Variants in SF3A3 observed in about 807,000 individuals in gnomAD.
SF3A3 encodes splicing factor 3a subunit 3.
In SF3A3, 9 loss-of-function variants were observed where a neutral mutation model predicts 85.8. That is an observed-to-expected ratio of 0.10 (90% confidence interval 0.06 to 0.18). The LOEUF is 0.18. Ranked by LOEUF, SF3A3 falls within the 10% of genes least tolerant of loss-of-function variation. SF3A3 has a pLI of 1.00. For synonymous variants in SF3A3, 195 were observed against 204.4 expected, an observed-to-expected ratio of 0.95 and a Z score of 0.39; for missense variants, 306 against 593.3, an observed-to-expected ratio of 0.52 and a Z score of 5.03.
intron 4 of SF3A3, among the ~76,000 whole-genome samples, chr1:37,985,426 T>C (rs1646449529): frequency 6.6e-6 from 1 of 151,404 alleles, no homozygotes; most frequent in Non-Finnish European, 1.5e-5. Flanking sequence ...TTTTTTTAAA[T>C]CCTGATGCAC....
At chr1:37,974,546 C>T (rs985820497) in intron 12 of SF3A3, among the ~76,000 whole-genome samples, 1 of 152,142 alleles carries the variant, frequency 6.6e-6, no homozygotes, top group Admixed American at 6.5e-5. Flanking sequence ...TTGTGATCTG[C>T]CCGCCTTGGC....
intron 6 of SF3A3, 65 bp downstream of exon 6, chr1:37,984,104 G>C: frequency 1.2e-6 from 1 of 818,284 alleles, no homozygotes; most frequent in East Asian, 2.6e-5. Flanking sequence ...ATGTCTGCTA[G>C]TTCCAGCCTA....
chr1:37,970,693 A>T (rs1646332927), intron 12 of SF3A3, among the ~76,000 whole-genome samples: 1 of 152,212 alleles, frequency 6.6e-6, no homozygotes, highest in Non-Finnish European at 1.5e-5. Flanking sequence ...AGAACTCAGG[A>T]TTAAGAAACT....
chr1:37,964,931 G>A (rs1646288854), intron 15 of SF3A3, among the ~76,000 whole-genome samples: 1 of 152,082 alleles, frequency 6.6e-6, no homozygotes, highest in South Asian at 2.1e-4. Context: ...GGCCAATGCG[G>A]GTGCATCACT....
At chr1:37,974,996 A>G (rs534944429) in intron 12 of SF3A3, among the ~76,000 whole-genome samples, 2 of 152,270 alleles carry the variant, frequency 1.3e-5, no homozygotes, top group South Asian at 2.1e-4. Context: ...TATTGTAATT[A>G]TTTGTCTCCC....
intron 5 of SF3A3, 21 bp downstream of exon 5, chr1:37,984,686 G>T: frequency 6.4e-7 from 1 of 1,550,742 alleles, no homozygotes; most frequent in Non-Finnish European, 8.9e-7. Context: ...GGTGCTGAAT[G>T]AAATTTTCAC....
At position 37,989,934 on chromosome 1, in the gene SF3A3, T is replaced by C. The variant is rs760051212; in HGVS notation, c.32A>G (p.Tyr11Cys). 4 of 1,613,256 alleles carry C rather than the reference T, an allele frequency of 2.5e-6. No homozygotes were observed. The highest frequency in any genetic ancestry group is 2.2e-5 in the East Asian group (1 of 44,882). The change falls in exon 1 of 17, where the codon TAT becomes TGT. Residue 11 changes from tyrosine (Y) to cysteine (C), a missense_variant. Around this residue, in one of 4 missense-constraint regions of SF3A3, gnomAD observed 152 missense variants for 192.0 expected, o/e 0.79. Coordinates refer to ENST00000373019, the MANE Select transcript of SF3A3 (RefSeq NM_006802.4). ...CATGAGCCGTTCCTTCTCCTCATGA[T>C]AGCGCCGCTGCTGCTCCAGTATTGT... METILEQQRR[Y>C]HEEKERLMDV...
chr1:37,962,932 C>T (rs1215989705), intron 15 of SF3A3, among the ~76,000 whole-genome samples: 1 of 151,510 alleles, frequency 6.6e-6, no homozygotes, highest in East Asian at 2.0e-4. Context: ...CTAAAACACA[C>T]AAAAAATTAG....
At chr1:37,989,794 A>G in intron 1 of SF3A3, 76 bp downstream of exon 1, 1 of 1,345,820 alleles carries the variant, frequency 7.4e-7, no homozygotes, top group South Asian at 1.2e-5. Context: ...TCTGAGGGCC[A>G]AAGCAAGCTC....
chr1:37,980,167 G>GT (rs1163156372), intron 8 of SF3A3, among the ~76,000 whole-genome samples: 1 of 152,138 alleles, frequency 6.6e-6, no homozygotes, highest in East Asian at 1.9e-4. Context: ...GCTCACACCT[G>GT]TAATCCCAGC....
chr1:37,983,151 T>G (rs1449272470), intron 6 of SF3A3, among the ~76,000 whole-genome samples: 2 of 149,226 alleles, frequency 1.3e-5, no homozygotes, highest in African/African-American at 2.5e-5. Flanking sequence ...TTGGTCAGGC[T>G]GGTCTTGAAC....
chr1:37,963,470 T>G (rs1646276412), intron 15 of SF3A3, among the ~76,000 whole-genome samples: 1 of 152,018 alleles, frequency 6.6e-6, no homozygotes, highest in Non-Finnish European at 1.5e-5. Flanking sequence ...AATAACAACA[T>G]TCATAGGGAG....
At chr1:37,982,373 ATT>A (rs376912063) in intron 6 of SF3A3, among the ~76,000 whole-genome samples, 3 of 144,980 alleles carry the variant, frequency 2.1e-5, no homozygotes, top group Non-Finnish European at 3.0e-5. Context: ...GTGATAAGCT[ATT>A]TTTTTTTTTT....
intron 2 of SF3A3, among the ~76,000 whole-genome samples, chr1:37,988,893 A>ATT (rs1292574097): frequency 5.4e-5 from 8 of 147,624 alleles, no homozygotes; most frequent in African/African-American, 1.5e-4. Context: ...ATATATATAT[A>ATT]TATTTTTTTT....
At chr1:37,975,830 C>T (rs1319230596) in intron 12 of SF3A3, among the ~76,000 whole-genome samples, 2 of 152,282 alleles carry the variant, frequency 1.3e-5, no homozygotes, top group East Asian at 3.9e-4. Context: ...CTCAACGGAC[C>T]ATGCGAGTAT....
Position 37,970,898 on chromosome 1 carries a change from A to C in SF3A3, c.1006-1163T>G, listed in dbSNP as rs534825642. ...TTATAGCACTAAATGTCCACAAAAG[A>C]AAGCAGGAAAGATCTAAAACTGACA... On this transcript the variant is annotated intron_variant, in intron 12 of 16. Transcript: ENST00000373019. 2.1e-4 allele frequency among the ~76,000 whole-genome samples: 32 copies of C among 152,322 alleles called. 1 individual carries two copies. In the South Asian group the frequency reaches 6.0e-3, roughly 29 times the overall value.
chr1:37,986,811 C>CAAAAAAAAAAA (rs1186890843), intron 4 of SF3A3, among the ~76,000 whole-genome samples: 1 of 62,238 alleles, frequency 1.6e-5, no homozygotes, highest in East Asian at 6.1e-4. Context: ...GACTCCATCT[C>CAAAAAAAAAAA]AAAAAAAAAA....
intron 6 of SF3A3, among the ~76,000 whole-genome samples, chr1:37,982,242 T>G (rs1425538157): frequency 1.3e-5 from 2 of 152,220 alleles, no homozygotes; most frequent in African/African-American, 4.8e-5. Context: ...CTGACTTGCC[T>G]GCATGGAACT....
At chr1:37,975,697 A>G (rs377749283) in intron 12 of SF3A3, among the ~76,000 whole-genome samples, 49 of 152,338 alleles carry the variant, frequency 3.2e-4, no homozygotes, top group African/African-American at 1.1e-3. Flanking sequence ...GAAAGCAGTC[A>G]TAACAGAATC....
Sources: gnomAD v4.1 joint callset for allele counts (sites outside exome capture counted in the v4.1 genomes callset) on GRCh38, gnomAD v4.1.1 for gene constraint, gnomAD v4.1.1 regional missense constraint, MANE v1.5 for transcripts, NCBI Gene and HGNC (gene_info 2026-07-23, HGNC 2026-07-21) for gene names.